PDE1A: variants seen among roughly 807,000 people sequenced by gnomAD.
PDE1A encodes the protein phosphodiesterase 1A.
Under a neutral mutation model 61.7 loss-of-function variants are expected in PDE1A, and 35 were observed. The ratio of observed to expected loss-of-function variants is 0.57; its 90% CI spans 0.43 to 0.75. PDE1A has a LOEUF of 0.75. PDE1A is among the 30% of genes least tolerant of loss of function. The pLI, the probability that PDE1A is intolerant of heterozygous loss-of-function variation, is 0.00. For synonymous variants in PDE1A, 232 were observed against 213.2 expected (o/e 1.09, Z -0.77); for missense variants, 597 against 630.6 (o/e 0.95, Z 0.57).
At chr2:182,266,468 A>G (rs1401915453) in intron 1 of PDE1A, among the ~76,000 whole-genome samples, 1 of 152,166 alleles carries the variant, frequency 6.6e-6, no homozygotes, top group African/African-American at 2.4e-5. Context: ...ATATACTATC[A>G]TATGTCTTTC....
intron 2 of PDE1A, among the ~76,000 whole-genome samples, chr2:182,472,085 A>G (rs1687062264): frequency 6.6e-6 from 1 of 151,908 alleles, no homozygotes; most frequent in Admixed American, 6.6e-5. Flanking sequence ...GTGGAAAGAA[A>G]GGAACTTAAA....
the PDE1A span, among the ~76,000 whole-genome samples, chr2:182,709,660 C>A: frequency 6.6e-6 from 1 of 152,096 alleles, no homozygotes; most frequent in African/African-American, 2.4e-5. Flanking sequence ...CCAAATGAAA[C>A]TGAAAAAATG....
intron 1 of PDE1A, among the ~76,000 whole-genome samples, chr2:182,391,706 G>A (rs936519742): frequency 2.2e-4 from 33 of 152,212 alleles, no homozygotes; most frequent in African/African-American, 6.7e-4. Context: ...CTGGAGGCAC[G>A]CAACAGTCAA....
At chr2:182,159,690 G>A (rs1046645204) in intron 13 of PDE1A, among the ~76,000 whole-genome samples, 5 of 152,154 alleles carry the variant, frequency 3.3e-5, no homozygotes, top group African/African-American at 1.2e-4. Context: ...AATGTAGGCC[G>A]AGTGCATTGG....
At chr2:182,282,448 T>G (rs1361275951) in intron 1 of PDE1A, among the ~76,000 whole-genome samples, 1 of 152,032 alleles carries the variant, frequency 6.6e-6, no homozygotes, top group Non-Finnish European at 1.5e-5. Flanking sequence ...TTTGAATTAA[T>G]TAAGTTCATA....
intron 1 of PDE1A, among the ~76,000 whole-genome samples, chr2:182,343,597 T>C (rs1698333646): frequency 1.3e-5 from 2 of 152,196 alleles, no homozygotes; most frequent in African/African-American, 4.8e-5. Flanking sequence ...TTGACAAGGT[T>C]AGCATTTTAT....
the PDE1A span, among the ~76,000 whole-genome samples, chr2:182,674,578 A>G: frequency 0.042 from 1 of 24 alleles, no homozygotes; most frequent in East Asian, 0.5. Context: ...ACAGATACAT[A>G]TATATATATA....
chr2:182,428,100 C>T (rs530242569), upstream of PDE1A, among the ~76,000 whole-genome samples: 14 of 152,096 alleles, frequency 9.2e-5, no homozygotes, highest in African/African-American at 2.4e-4. Context: ...TTTATCGAGC[C>T]GTTCTAATCC....
chr2:182,632,403 T>A, the PDE1A span, among the ~76,000 whole-genome samples: 56 of 152,302 alleles, frequency 3.7e-4, 1 homozygote, highest in South Asian at 6.4e-3. Context: ...CAAATGTGAA[T>A]CTTCCTTTTT....
chr2:182,549,031 T>C, the PDE1A span, among the ~76,000 whole-genome samples: 1 of 152,238 alleles, frequency 6.6e-6, no homozygotes, highest in South Asian at 2.1e-4. Flanking sequence ...GTCTACATCA[T>C]AAAAGAAATT....
At chr2:182,677,267 A>T in the PDE1A span, among the ~76,000 whole-genome samples, 1 of 152,290 alleles carries the variant, frequency 6.6e-6, no homozygotes, top group East Asian at 1.9e-4. Flanking sequence ...ATACACCAAC[A>T]ACAACCAAGC....
At chr2:182,516,544 C>G (rs1690160638) in intron 2 of PDE1A, among the ~76,000 whole-genome samples, 1 of 151,382 alleles carries the variant, frequency 6.6e-6, no homozygotes, top group South Asian at 2.1e-4. Context: ...TTCTTGCTAC[C>G]TGGGAGGCTG....
At chr2:182,400,650 A>G (rs1173392055) in intron 1 of PDE1A, among the ~76,000 whole-genome samples, 1 of 152,152 alleles carries the variant, frequency 6.6e-6, no homozygotes, top group Non-Finnish European at 1.5e-5. Flanking sequence ...CATTCAAAGG[A>G]GCCACTCTCT....
At chr2:182,349,621 G>A (rs1313764915) in intron 1 of PDE1A, among the ~76,000 whole-genome samples, 1 of 152,070 alleles carries the variant, frequency 6.6e-6, no homozygotes, top group Admixed American at 6.6e-5. Context: ...TTCTAGACAT[G>A]GTACTTGATC....
chr2:182,194,963 C>T (rs13013920), intron 10 of PDE1A, among the ~76,000 whole-genome samples: 5 of 148,426 alleles, frequency 3.4e-5, no homozygotes, highest in Admixed American at 2.1e-4. Flanking sequence ...TAAAAATCAG[C>T]TCTTTCCTTT....
At chr2:182,263,911 C>T (rs1040962838) in intron 2 of PDE1A, among the ~76,000 whole-genome samples, 5 of 152,210 alleles carry the variant, frequency 3.3e-5, no homozygotes, top group African/African-American at 9.6e-5. Flanking sequence ...CATATAACAC[C>T]CATTTTCCTA....
At chr2:182,712,438 A>G in the PDE1A span, among the ~76,000 whole-genome samples, 2 of 152,264 alleles carry the variant, frequency 1.3e-5, no homozygotes, top group East Asian at 3.8e-4. Context: ...GTTAAAAAAC[A>G]TAAACCAGTT....
the PDE1A span, among the ~76,000 whole-genome samples, chr2:182,588,912 G>C: frequency 1.3e-5 from 2 of 151,670 alleles, no homozygotes. Context: ...GCATGATGGC[G>C]GATGCCTGTA....
chr2:182,501,599 A>G (rs574070365), intron 2 of PDE1A, among the ~76,000 whole-genome samples: 14 of 152,326 alleles, frequency 9.2e-5, no homozygotes, highest in African/African-American at 2.9e-4. Flanking sequence ...CACAAATTAT[A>G]TTTCTTGTGT....
Sources: allele counts gnomAD v4.1 joint callset (sites outside exome capture counted in the v4.1 genomes callset), GRCh38; gene constraint gnomAD v4.1.1; transcripts MANE v1.5; gene names NCBI Gene and HGNC (gene_info 2026-07-23, HGNC 2026-07-21).